Variants in SAMD5 observed in about 807,000 individuals in gnomAD.
SAMD5 encodes sterile alpha motif domain containing 5, also known as sterile alpha motif domain-containing protein 5.
Under a neutral mutation model 11.3 loss-of-function variants are expected in SAMD5, and 13 were observed. The observed-to-expected ratio is 1.15, with a 90% CI of 0.75 to 1.83. The LOEUF (loss-of-function observed/expected upper bound fraction) is 1.83, where lower values mean the gene tolerates loss of function less well. Ranked by LOEUF, SAMD5 falls within the 40% of genes most tolerant of loss-of-function variation. The pLI is 0.00. For missense variants in SAMD5, 255 were observed against 239.1 expected (o/e 1.07, Z -0.44); for synonymous variants, 129 against 111.3 (o/e 1.16, Z -1.00).
intron 1 of SAMD5, among the ~76,000 whole-genome samples, chr6:147,618,494 T>C (rs1336969517): frequency 6.6e-6 from 1 of 152,162 alleles, no homozygotes; most frequent in Non-Finnish European, 1.5e-5. Flanking sequence ...ACAAGAGTAC[T>C]TTGCAGCCAG....
chr6:147,723,373 T>C (rs1446388806), intron 1 of SAMD5, among the ~76,000 whole-genome samples: 3 of 152,092 alleles, frequency 2.0e-5, no homozygotes, highest in Non-Finnish European at 4.4e-5. Context: ...CTTTTATTCT[T>C]CCCCCAAAAT....
chr6:147,558,036 AG>A (rs1264908405), intron 1 of SAMD5, among the ~76,000 whole-genome samples: 3 of 152,220 alleles, frequency 2.0e-5, no homozygotes, highest in Non-Finnish European at 4.4e-5. Context: ...AGTAAATATT[AG>A]CAGCCGTTTG....
chr6:147,847,968 A>G, the SAMD5 span, among the ~76,000 whole-genome samples: 29 of 152,210 alleles, frequency 1.9e-4, no homozygotes, highest in Admixed American at 6.5e-5. Flanking sequence ...CAGAATCTCT[A>G]TAAGAGAGGA....
chr6:147,719,475 A>T (rs944258880), intron 1 of SAMD5, among the ~76,000 whole-genome samples: 3 of 152,174 alleles, frequency 2.0e-5, no homozygotes, highest in African/African-American at 7.2e-5. Flanking sequence ...TCCTTTGATG[A>T]GTAGTTCCTG....
chr6:147,800,831 A>G, the SAMD5 span, among the ~76,000 whole-genome samples: 3 of 152,346 alleles, frequency 2.0e-5, no homozygotes, highest in East Asian at 3.9e-4. Context: ...TAAGTAAACC[A>G]TGTGCATTTG....
chr6:147,568,628 A>G lies in SAMD5; in HGVS notation c.*4172A>G, dbSNP rs190542934. On this transcript the variant is annotated 3_prime_UTR_variant, in exon 2 of 2. Coordinates refer to ENST00000367474, the MANE Select transcript of SAMD5 (RefSeq NM_001030060.3). ...TCTTGTGCTTACAGTAAAGCCATAT[A>G]GATGCACACATAGTGACTTTATTAA... 84 of 985,292 alleles carry G rather than the reference A, an allele frequency of 8.5e-5. No individual in the cohort carries two copies. In the East Asian group the frequency reaches 2.8e-3, roughly 33 times the overall value. 61.0% of individuals were successfully genotyped at this position (985,292 alleles called of 1,614,324 possible).
chr6:147,816,371 T>C, the SAMD5 span, among the ~76,000 whole-genome samples: 3 of 143,562 alleles, frequency 2.1e-5, no homozygotes, highest in East Asian at 6.0e-4. Context: ...GCAGTTTATA[T>C]ATATATATAA....
chr6:147,717,544 AG>A (rs1791485639), intron 1 of SAMD5, among the ~76,000 whole-genome samples: 1 of 152,212 alleles, frequency 6.6e-6, no homozygotes, highest in Admixed American at 6.5e-5. Flanking sequence ...TGTCAGAACA[AG>A]GGAAGGACCC....
the SAMD5 span, among the ~76,000 whole-genome samples, chr6:147,910,516 G>T: frequency 5.9e-5 from 9 of 152,198 alleles, no homozygotes; most frequent in Admixed American, 5.9e-4. Flanking sequence ...CACTCAAAAG[G>T]ACTCAGGGCT....
chr6:147,635,101 A>G (rs923584430), intron 1 of SAMD5, among the ~76,000 whole-genome samples: 4 of 152,190 alleles, frequency 2.6e-5, no homozygotes, highest in Non-Finnish European at 5.9e-5. Flanking sequence ...AACTGTGTAC[A>G]TAGCTTTGTT....
intron 1 of SAMD5, among the ~76,000 whole-genome samples, chr6:147,678,337 A>G (rs1353191119): frequency 2.0e-5 from 3 of 152,210 alleles, no homozygotes; most frequent in Non-Finnish European, 4.4e-5. Context: ...TAGTGTCTTC[A>G]TATTTTAAGG....
the SAMD5 span, among the ~76,000 whole-genome samples, chr6:147,844,995 T>C: frequency 6.6e-6 from 1 of 152,150 alleles, no homozygotes; most frequent in Non-Finnish European, 1.5e-5. Flanking sequence ...TTTCAAATGT[T>C]CTCACCACAA....
chr6:147,951,208 A>C, the SAMD5 span, among the ~76,000 whole-genome samples: 266 of 145,456 alleles, frequency 1.8e-3, 3 homozygotes, highest in East Asian at 6.5e-3. Context: ...TTTATGACGG[A>C]GTCTCGCTCT....
At chr6:147,579,292 T>C (rs1466047601) in intron 1 of SAMD5, among the ~76,000 whole-genome samples, 1 of 152,116 alleles carries the variant, frequency 6.6e-6, no homozygotes, top group Non-Finnish European at 1.5e-5. Flanking sequence ...ATAACTGAGA[T>C]GAACAGTCTT....
At chr6:147,741,254 G>A (rs1254674963), downstream of SAMD5, among the ~76,000 whole-genome samples, 1 of 152,084 alleles carries the variant, frequency 6.6e-6, no homozygotes, top group African/African-American at 2.4e-5. Context: ...TTTGCTGGGG[G>A]TCTCCAGACC....
intron 1 of SAMD5, among the ~76,000 whole-genome samples, chr6:147,559,782 T>C (rs182441353): frequency 1.5e-4 from 23 of 152,284 alleles, no homozygotes. Flanking sequence ...TCTTAGAAAA[T>C]GTACCCTAGA....
chr6:147,916,758 G>A, the SAMD5 span, among the ~76,000 whole-genome samples: 17 of 136,638 alleles, frequency 1.2e-4, no homozygotes, highest in African/African-American at 4.5e-4. Context: ...TTCCTGTGTC[G>A]ATGTGTTCTC....
chr6:147,615,015 C>T (rs1323128271), intron 1 of SAMD5, among the ~76,000 whole-genome samples: 1 of 151,796 alleles, frequency 6.6e-6, no homozygotes, highest in Non-Finnish European at 1.5e-5. Flanking sequence ...TATCATATGA[C>T]AACTATTTAC....
At chr6:147,717,345 C>T (rs1452099760) in intron 1 of SAMD5, among the ~76,000 whole-genome samples, 2 of 152,218 alleles carry the variant, frequency 1.3e-5, no homozygotes, top group Non-Finnish European at 2.9e-5. Context: ...CAGATTGTAT[C>T]CTCTCCTAGT....
Sources: gnomAD v4.1 joint callset for allele counts (sites outside exome capture counted in the v4.1 genomes callset) on GRCh38, gnomAD v4.1.1 for gene constraint, MANE v1.5 for transcripts, NCBI Gene and HGNC (gene_info 2026-07-23, HGNC 2026-07-21) for gene names.